The following NAV2 variants were observed in gnomAD, a reference collection of about 807,000 sequenced individuals.
NAV2 encodes neuron navigator 2, also known as helicase, APC down-regulated 1.
A neutral mutation model predicts 223.2 loss-of-function variants in NAV2; 54 were observed. The observed-to-expected ratio is 0.24, with a 90% CI of 0.19 to 0.30. NAV2 has a LOEUF of 0.30. Ranked by LOEUF, NAV2 falls within the 10% of genes least tolerant of loss-of-function variation. The pLI, the probability that NAV2 is intolerant of heterozygous loss-of-function variation, is 1.00. For missense variants in NAV2, 2,806 were observed against 3,147.5 expected, an observed-to-expected ratio of 0.89 and a Z score of 2.60; for synonymous variants, 1,279 against 1,239.3, an observed-to-expected ratio of 1.03 and a Z score of -0.67.
chr11:20,100,392 T>C (rs1431227997), intron 31 of NAV2, among the ~76,000 whole-genome samples: 1 of 152,182 alleles, frequency 6.6e-6, no homozygotes, highest in Admixed American at 6.5e-5. Context: ...CTTTTAAAGA[T>C]AAAAGTGGTG....
At chr11:19,971,603 C>G (rs1299052893) in intron 10 of NAV2, among the ~76,000 whole-genome samples, 3 of 152,098 alleles carry the variant, frequency 2.0e-5, no homozygotes, top group African/African-American at 7.2e-5. Flanking sequence ...TTGGATAGTT[C>G]CTGTTAATAT....
At chr11:19,620,580 G>A (rs1002158334) in intron 1 of NAV2, among the ~76,000 whole-genome samples, 6 of 152,036 alleles carry the variant, frequency 3.9e-5, no homozygotes, top group South Asian at 2.1e-4. Flanking sequence ...TTGGTGTATA[G>A]GAATGCTTGT....
At chr11:19,766,495 G>T (rs1328332274) in intron 1 of NAV2, among the ~76,000 whole-genome samples, 1 of 152,234 alleles carries the variant, frequency 6.6e-6, no homozygotes, top group African/African-American at 2.4e-5. Context: ...GTCTCTTAAG[G>T]AGGGAGTGAA....
intron 1 of NAV2, among the ~76,000 whole-genome samples, chr11:19,599,193 G>A (rs1359561736): frequency 1.3e-5 from 2 of 152,192 alleles, no homozygotes; most frequent in East Asian, 3.9e-4. Flanking sequence ...ACTTGTCAAG[G>A]GAAGATGTCA....
chr11:19,699,740 A>G (rs2049455463), intron 1 of NAV2, among the ~76,000 whole-genome samples: 1 of 152,206 alleles, frequency 6.6e-6, no homozygotes, highest in South Asian at 2.1e-4. Flanking sequence ...TTAGTTAGGC[A>G]AGAGGTCAGA....
chr11:19,835,213 G>A (rs1158436251), intron 2 of NAV2, among the ~76,000 whole-genome samples: 1 of 152,212 alleles, frequency 6.6e-6, no homozygotes, highest in Non-Finnish European at 1.5e-5. Context: ...CTGGTCTGCA[G>A]TTCCAGAGAC....
At chr11:19,741,175 T>A (rs1238576093) in intron 1 of NAV2, among the ~76,000 whole-genome samples, 1 of 152,230 alleles carries the variant, frequency 6.6e-6, no homozygotes, top group Non-Finnish European at 1.5e-5. Flanking sequence ...AGATGTACAA[T>A]CTGTTTTCAT....
At chr11:19,939,578 G>C (rs973439348) in intron 7 of NAV2, 83 bp from the exon 8 acceptor site, 16 of 975,416 alleles carry the variant, frequency 1.6e-5, no homozygotes, top group Non-Finnish European at 1.8e-5. Flanking sequence ...AGGTGATGGT[G>C]AGGGCTGTGG....
intron 1 of NAV2, among the ~76,000 whole-genome samples, chr11:19,364,386 A>T (rs1320050140): frequency 6.6e-6 from 1 of 152,126 alleles, no homozygotes; most frequent in Non-Finnish European, 1.5e-5. Context: ...CCAGGAAAGG[A>T]AGCTCTCCTT....
At chr11:19,666,737 C>T (rs956427438) in intron 1 of NAV2, among the ~76,000 whole-genome samples, 4 of 152,034 alleles carry the variant, frequency 2.6e-5, no homozygotes, top group Non-Finnish European at 4.4e-5. Flanking sequence ...TTGCTCATTC[C>T]GCCCCTTTAC....
intron 10 of NAV2, among the ~76,000 whole-genome samples, chr11:19,959,229 G>A (rs1217519310): frequency 6.6e-6 from 1 of 152,180 alleles, no homozygotes; most frequent in East Asian, 1.9e-4. Context: ...TAAGGAGAGT[G>A]TAGAATATGA....
chr11:19,826,329 C>T (rs1035253598), intron 1 of NAV2, among the ~76,000 whole-genome samples: 2 of 152,182 alleles, frequency 1.3e-5, no homozygotes, highest in African/African-American at 4.8e-5. Context: ...TTGGAGAAAA[C>T]AATTCTGGAT....
At chr11:19,776,435 A>G (rs1187616529) in intron 1 of NAV2, among the ~76,000 whole-genome samples, 1 of 152,006 alleles carries the variant, frequency 6.6e-6, no homozygotes, top group African/African-American at 2.4e-5. Flanking sequence ...TCGCTGCCTG[A>G]CCTCTCCTCC....
intron 25 of NAV2, chr11:20,082,691 T>A (rs2060166759): frequency 2.1e-5 from 27 of 1,290,660 alleles, no homozygotes; most frequent in Non-Finnish European, 3.0e-5. Context: ...TGTCTGAGCA[T>A]CCTGCTTTGT....
chr11:19,933,425 C>T lies in NAV2; in HGVS notation c.1181C>T (p.Ala394Val), dbSNP rs1348795662. Residue 394 changes from alanine to valine, a missense_variant, in exon 7 of 38, where the codon GCC becomes GTC. Physicochemically the swap from Ala to Val is moderately conservative, Grantham distance 64. This residue lies in a region of NAV2 where 1,167 missense variants were observed against 1,180.5 expected (regional missense o/e 0.99). Coordinates refer to ENST00000349880, the MANE Select transcript of NAV2 (RefSeq NM_145117.5). This position sits in a 1 kb window ranked among gnomAD's most constrained non-coding sequence, Gnocchi z 4.3. ...PRPTPEAMKP[A>V]PNNQKSMLEK... Reference sequence around the variant, plus strand: ...CCCACACCTGAAGCCATGAAGCCGGCCCCCAACAATCAGAAGTCCATGCTG... The same window carrying T: ...CCCACACCTGAAGCCATGAAGCCGGTCCCCAACAATCAGAAGTCCATGCTG... The T allele has an allele frequency of 6.3e-7, 1 of 1,585,990 alleles. No individual in the cohort carries two copies. Among genetic ancestry groups the T allele is most frequent in the East Asian group, 2.2e-5 (1 of 44,540 alleles).
chr11:19,419,554 CT>C (rs1453744012), intron 1 of NAV2, among the ~76,000 whole-genome samples: 2 of 152,146 alleles, frequency 1.3e-5, no homozygotes, highest in Non-Finnish European at 2.9e-5. Flanking sequence ...GCTTCTCAGT[CT>C]GATGTGAAGA....
At chr11:19,782,328 G>T (rs1483330929) in intron 1 of NAV2, among the ~76,000 whole-genome samples, 2 of 152,130 alleles carry the variant, frequency 1.3e-5, no homozygotes, top group African/African-American at 2.4e-5. Context: ...AATAAAGAAA[G>T]GAATATTGGG....
intron 1 of NAV2, among the ~76,000 whole-genome samples, chr11:19,446,652 G>GTGCC (rs541675739): frequency 4.4e-4 from 67 of 152,176 alleles, no homozygotes; most frequent in African/African-American, 1.3e-3. Flanking sequence ...CTCAGACGGT[G>GTGCC]TGCCTGCCTG....
At position 19,886,444 on chromosome 11, in the gene NAV2, C is replaced by T. The variant is rs139273481; in HGVS notation, c.771-5990C>T. ...ACAATAGGGAACCCAAGTTTGTCAC[C>T]GCTTCTGGTAGCCATGCAGAAAGTG... On this transcript the variant is annotated intron_variant, in intron 5 of 37. Transcript: ENST00000349880. Among the ~76,000 whole-genome samples, 1,150 of 152,300 alleles carry T rather than the reference C, an allele frequency of 7.6e-3. 12 individuals are homozygous for T. Among genetic ancestry groups the T allele is most frequent in the African/African-American group, 0.026 (1,076 of 41,558 alleles).
Sources: allele counts gnomAD v4.1 joint callset (sites outside exome capture counted in the v4.1 genomes callset), GRCh38; gene constraint gnomAD v4.1.1; regional missense constraint gnomAD v4.1.1; non-coding constraint Gnocchi (gnomAD v3.1); transcripts MANE v1.5; gene names NCBI Gene and HGNC (gene_info 2026-07-23, HGNC 2026-07-21).